The following SDK1 variants were observed in gnomAD, a reference collection of about 807,000 sequenced individuals.
The protein encoded by SDK1 is sidekick cell adhesion molecule 1, also known as protein sidekick-1.
A neutral mutation model predicts 245.5 loss-of-function variants in SDK1; 157 were observed. The observed-to-expected ratio is 0.64, with a 90% CI of 0.56 to 0.73. The LOEUF is 0.73. Ranked by LOEUF, SDK1 falls within the 30% of genes least tolerant of loss-of-function variation. SDK1 has a pLI of 0.00. For synonymous variants in SDK1, 1,647 were observed against 1,278.5 expected, an observed-to-expected ratio of 1.29 and a Z score of -6.15; for missense variants, 3,583 against 3,002.3, an observed-to-expected ratio of 1.19 and a Z score of -4.52.
intron 13 of SDK1, among the ~76,000 whole-genome samples, chr7:3,980,324 T>A (rs115611940): frequency 0.01 from 1,538 of 152,332 alleles, 26 homozygotes; most frequent in African/African-American, 0.035. Flanking sequence ...ATTTCTGATA[T>A]TCCTGAGGTG....
intron 4 of SDK1, among the ~76,000 whole-genome samples, chr7:3,746,788 A>G (rs545944709): frequency 2.6e-4 from 39 of 152,302 alleles, no homozygotes; most frequent in African/African-American, 9.4e-4. Context: ...TTCCACTGCA[A>G]TGCTGAACCC....
chr7:3,613,268 T>C (rs1010293897), intron 1 of SDK1, among the ~76,000 whole-genome samples: 1 of 152,152 alleles, frequency 6.6e-6, no homozygotes, highest in Non-Finnish European at 1.5e-5. Flanking sequence ...ATGTGAATGA[T>C]TTTTCCTCTG....
intron 1 of SDK1, among the ~76,000 whole-genome samples, chr7:3,371,273 C>A (rs760235707): frequency 4.3e-5 from 5 of 115,840 alleles, no homozygotes; most frequent in Non-Finnish European, 8.4e-5. Context: ...GGATGTGTTA[C>A]CCATCTGTGC....
In SDK1 at chr7:4,149,456, G is replaced by C. The variant is rs147414267; in HGVS notation, c.4618G>C (p.Val1540Leu). The change falls in exon 30 of 45, where the codon GTT becomes CTT. Residue 1540 changes from valine to leucine, a missense_variant. Physicochemically the swap from Val to Leu is conservative, Grantham distance 32 (BLOSUM62 1). Coordinates refer to ENST00000404826, the MANE Select transcript of SDK1 (RefSeq NM_152744.4). ...CAGCCATGAGGCGACAGCATGCGTC[G>C]TTGACAGGTACTGAGAGAGCAGGAG... is the stretch of plus-strand genomic sequence containing the variant. ...SISHEATACV[V>L]DRLRPFTSYK... 2.0e-6 allele frequency: 3 copies of C among 1,510,906 alleles called. No individual in the cohort carries two copies. The highest frequency in any genetic ancestry group is 2.6e-5 in the East Asian group (1 of 38,938). 93.6% of individuals were successfully genotyped at this position (1,510,906 alleles called of 1,614,324 possible).
intron 1 of SDK1, among the ~76,000 whole-genome samples, chr7:3,578,776 A>T (rs540715496): frequency 6.6e-6 from 1 of 151,876 alleles, no homozygotes; most frequent in South Asian, 2.1e-4. Flanking sequence ...GTCAGACCTT[A>T]TGGTTGTCTT....
At chr7:4,018,672 T>C (rs1352964788) in intron 17 of SDK1, among the ~76,000 whole-genome samples, 4 of 152,198 alleles carry the variant, frequency 2.6e-5, no homozygotes, top group African/African-American at 9.6e-5. Context: ...TCCGGTGCAT[T>C]TGAGTTCTGC....
intron 1 of SDK1, among the ~76,000 whole-genome samples, chr7:3,610,116 G>A (rs1399950294): frequency 2.6e-5 from 4 of 152,160 alleles, no homozygotes; most frequent in Non-Finnish European, 4.4e-5. Context: ...AATAAGCTTT[G>A]GTTGGACTTA....
chr7:4,237,687 C>T lies in SDK1; in HGVS notation c.6033C>T (p.Leu2011=). ...EAPFYEEWWF[L]LVMALSSLIV... is the part of the protein sequence containing the mutation. ...CATTCTACGAGGAGTGGTGGTTCCT[C>T]CTGGTGATGGCTCTGTCCAGCCTGA... Residue 2011 remains leucine, a synonymous_variant, in exon 42 of 45, where the codon CTC becomes CTT. Coordinates refer to ENST00000404826, the MANE Select transcript of SDK1 (RefSeq NM_152744.4). 1 of 1,614,136 alleles carries T rather than the reference C, an allele frequency of 6.2e-7. No individual in the cohort carries two copies. Among genetic ancestry groups the T allele is most frequent in the Non-Finnish European group, 8.5e-7 (1 of 1,180,030 alleles).
At chr7:4,205,605 A>T (rs907858009) in intron 35 of SDK1, among the ~76,000 whole-genome samples, 4 of 152,184 alleles carry the variant, frequency 2.6e-5, no homozygotes, top group African/African-American at 9.7e-5. Flanking sequence ...AATTCTATAT[A>T]TTTTATTGTA....
At chr7:3,705,614 A>C (rs369791088) in intron 4 of SDK1, among the ~76,000 whole-genome samples, 2 of 151,980 alleles carry the variant, frequency 1.3e-5, no homozygotes, top group East Asian at 3.9e-4. Context: ...TGTGAACTGA[A>C]ACTTTACTAA....
At chr7:3,527,301 A>T (rs981240517) in intron 1 of SDK1, among the ~76,000 whole-genome samples, 1 of 152,320 alleles carries the variant, frequency 6.6e-6, no homozygotes, top group Non-Finnish European at 1.5e-5. Flanking sequence ...AGTAAGAAAG[A>T]CACTTGATAG....
chr7:3,484,275 G>A (rs1015260826), intron 1 of SDK1, among the ~76,000 whole-genome samples: 1 of 152,088 alleles, frequency 6.6e-6, no homozygotes, highest in Non-Finnish European at 1.5e-5. Context: ...AACTGCATGG[G>A]TCCATGTATA....
chr7:4,249,353 G>A (rs779956203), intron 44 of SDK1, among the ~76,000 whole-genome samples: 3 of 152,186 alleles, frequency 2.0e-5, no homozygotes, highest in Non-Finnish European at 4.4e-5. Context: ...CTCAGGCAGC[G>A]TGGCTGAGGT....
intron 4 of SDK1, among the ~76,000 whole-genome samples, chr7:3,792,984 G>A (rs138813677): frequency 2.6e-5 from 4 of 152,174 alleles, no homozygotes; most frequent in Admixed American, 1.3e-4. Flanking sequence ...TTTCACATAA[G>A]GGGGAGGAAA....
intron 1 of SDK1, among the ~76,000 whole-genome samples, chr7:3,312,466 A>G (rs1779572696): frequency 6.6e-6 from 1 of 152,170 alleles, no homozygotes; most frequent in Non-Finnish European, 1.5e-5. Flanking sequence ...ATGAGAGATG[A>G]AAGGGGTAAG....
chr7:4,006,948 C>G (rs1785528388), intron 14 of SDK1, among the ~76,000 whole-genome samples: 1 of 152,246 alleles, frequency 6.6e-6, no homozygotes, highest in Admixed American at 6.5e-5. Flanking sequence ...CAGGCTTGCT[C>G]TGCCTCTCCC....
rs754151443 is a variant in SDK1, at chr7:4,268,675, C to T, written c.*3291C>T. 4 of 1,367,890 alleles carry T rather than the reference C, an allele frequency of 2.9e-6. No individual in the cohort carries two copies. Among genetic ancestry groups the T allele is most frequent in the East Asian group, 9.1e-5 (2 of 21,986 alleles). 84.7% of individuals were successfully genotyped at this position (1,367,890 alleles called of 1,614,324 possible). The stretch of plus-strand genomic sequence containing the variant: ...TTATTTCTTACGCATTCTTGGCACA[C>T]AGTGTAGCTATCCTCCTGACGAGCA... On this transcript the variant is annotated 3_prime_UTR_variant, in exon 45 of 45. Coordinates refer to ENST00000404826, the MANE Select transcript of SDK1 (RefSeq NM_152744.4).
At chr7:3,949,440 C>T (rs1255554018) in intron 5 of SDK1, among the ~76,000 whole-genome samples, 1 of 152,230 alleles carries the variant, frequency 6.6e-6, no homozygotes, top group Non-Finnish European at 1.5e-5. Context: ...TGTTCTCTCT[C>T]CGCGGCCCTC....
At chr7:3,584,848 C>T (rs1780632353) in intron 1 of SDK1, among the ~76,000 whole-genome samples, 1 of 152,100 alleles carries the variant, frequency 6.6e-6, no homozygotes, top group South Asian at 2.1e-4. Flanking sequence ...CTCAGCCTCC[C>T]GAGTAGCTGG....
Sources: allele counts gnomAD v4.1 joint callset (sites outside exome capture counted in the v4.1 genomes callset), GRCh38; gene constraint gnomAD v4.1.1; transcripts MANE v1.5; gene names NCBI Gene and HGNC (gene_info 2026-07-23, HGNC 2026-07-21).